The following CGGBP1 variants were observed in gnomAD, a reference collection of about 807,000 sequenced individuals.
CGGBP1 encodes the protein CGG triplet repeat binding protein 1.
Under a neutral mutation model 11.4 loss-of-function variants are expected in CGGBP1, and 4 were observed. The observed-to-expected ratio is 0.35, with a 90% confidence interval of 0.17 to 0.80. CGGBP1 has a LOEUF of 0.80. Among genes scored for constraint, CGGBP1 ranks in the 30% least tolerant of loss-of-function variants. CGGBP1 has a pLI of 0.52. For synonymous variants in CGGBP1, 76 were observed against 74.1 expected (o/e 1.03, Z -0.13); for missense variants, 135 against 202.1 (o/e 0.67, Z 2.01).
chr3:88,091,196 G>T (rs1231427290), intron 2 of CGGBP1, among the ~76,000 whole-genome samples: 6 of 152,144 alleles, frequency 3.9e-5, no homozygotes, highest in Non-Finnish European at 5.9e-5. Flanking sequence ...CTGTCGTTAA[G>T]CAACATAATG....
chr3:88,084,542 C>T (rs769094139), intron 2 of CGGBP1, among the ~76,000 whole-genome samples: 3 of 152,246 alleles, frequency 2.0e-5, no homozygotes, highest in Middle Eastern at 3.4e-3. Flanking sequence ...AAGAGCCAGA[C>T]GAGATACAAG....
At position 88,054,332 on chromosome 3, in the gene CGGBP1, G is replaced by C. The variant is rs1259984293; in HGVS notation, c.*1141C>G. The stretch of plus-strand genomic sequence containing the variant: ...CTTACAGGATAGTGAGGTTCAAACA[G>C]AGATCATTTCCTGAACATGGCTGAT... On this transcript the variant is annotated 3_prime_UTR_variant, in exon 4 of 4. Coordinates refer to ENST00000482016, the MANE Select transcript of CGGBP1 (RefSeq NM_001008390.2). 1 of 152,274 alleles carries C rather than the reference G, an allele frequency of 6.6e-6. No individual in the cohort carries two copies. Among genetic ancestry groups the C allele is most frequent in the Non-Finnish European group, 1.5e-5 (1 of 68,012 alleles). 9.4% of individuals were successfully genotyped at this position (152,274 alleles called of 1,614,324 possible).
At chr3:88,097,564 T>C (rs572980498) in intron 2 of CGGBP1, among the ~76,000 whole-genome samples, 2 of 152,216 alleles carry the variant, frequency 1.3e-5, no homozygotes, top group Admixed American at 1.3e-4. Flanking sequence ...TATTCCAAAA[T>C]TGACCACATA....
intron 2 of CGGBP1, among the ~76,000 whole-genome samples, chr3:88,121,958 G>C (rs1296636109): frequency 1.3e-5 from 2 of 152,098 alleles, no homozygotes; most frequent in Admixed American, 1.3e-4. Context: ...TATTGAGAAT[G>C]TATCTTCTCT....
At chr3:88,101,050 T>G (rs1412753640) in intron 2 of CGGBP1, among the ~76,000 whole-genome samples, 1 of 152,210 alleles carries the variant, frequency 6.6e-6, no homozygotes, top group East Asian at 1.9e-4. Context: ...GTTATCAGTA[T>G]ATTGTCAATC....
chr3:88,082,036 G>A (rs758429043), intron 2 of CGGBP1, among the ~76,000 whole-genome samples: 16 of 152,048 alleles, frequency 1.1e-4, no homozygotes, highest in Non-Finnish European at 1.3e-4. Flanking sequence ...ATTAGTCTGC[G>A]TTCAACAAAT....
chr3:88,134,742 T>C (rs775222493), intron 2 of CGGBP1, among the ~76,000 whole-genome samples: 2 of 152,120 alleles, frequency 1.3e-5, no homozygotes, highest in South Asian at 4.1e-4. Context: ...CCAAAGTTTA[T>C]TATTTTTAAG....
chr3:88,092,781 A>T (rs1399201841), intron 2 of CGGBP1, among the ~76,000 whole-genome samples: 1 of 152,168 alleles, frequency 6.6e-6, no homozygotes, highest in East Asian at 1.9e-4. Context: ...AAGTTACTAT[A>T]TTCTCTGGCA....
chr3:88,149,018 C>A (rs184292866), intron 1 of CGGBP1, among the ~76,000 whole-genome samples: 23 of 152,238 alleles, frequency 1.5e-4, no homozygotes, highest in African/African-American at 5.1e-4. Context: ...AATGGCAATA[C>A]CCCAATTAAA....
upstream of CGGBP1, among the ~76,000 whole-genome samples, chr3:88,063,857 A>T (rs902149184): frequency 2.6e-5 from 4 of 152,108 alleles, no homozygotes; most frequent in African/African-American, 9.7e-5. Context: ...GTCATGATCC[A>T]GGGTAGTTGC....
intron 1 of CGGBP1, chr3:88,149,674 C>T (rs1707373540): frequency 6.4e-6 from 1 of 156,678 alleles, no homozygotes; most frequent in East Asian, 1.9e-4. Context: ...CACGGGAGCT[C>T]GCGGTGCGCC....
intron 1 of CGGBP1, among the ~76,000 whole-genome samples, chr3:88,149,534 T>G (rs941303986): frequency 6.6e-6 from 1 of 152,278 alleles, no homozygotes; most frequent in Non-Finnish European, 1.5e-5. Context: ...TTATTTTAAT[T>G]TACTTAATTT....
chr3:88,088,753 T>TGG (rs1559701594), intron 2 of CGGBP1, among the ~76,000 whole-genome samples: 1,805 of 118,088 alleles, frequency 0.015, 30 homozygotes, highest in African/African-American at 0.047. Flanking sequence ...TTTATGTATG[T>TGG]ATGTATGTAT....
intron 1 of CGGBP1, chr3:88,144,760 G>A (rs1212701134): frequency 6.6e-6 from 1 of 152,146 alleles, no homozygotes; most frequent in Non-Finnish European, 1.5e-5. Context: ...TAAAGGAATG[G>A]CATATTTCAG....
intron 2 of CGGBP1, among the ~76,000 whole-genome samples, chr3:88,089,210 GC>G (rs1230460314): frequency 3.8e-4 from 43 of 111,710 alleles, no homozygotes; most frequent in Non-Finnish European, 6.4e-4. Flanking sequence ...AAAAAAAAAA[GC>G]CCGGGTGCGG....
At chr3:88,074,844 T>G (rs758621252) in intron 2 of CGGBP1, among the ~76,000 whole-genome samples, 87 of 152,302 alleles carry the variant, frequency 5.7e-4, no homozygotes, top group Admixed American at 1.8e-3. Flanking sequence ...ACCAAGTGAA[T>G]TTTGGTTTAA....
chr3:88,084,030 G>A (rs1708220035), intron 2 of CGGBP1, among the ~76,000 whole-genome samples: 1 of 151,596 alleles, frequency 6.6e-6, no homozygotes, highest in Non-Finnish European at 1.5e-5. Context: ...TGCCTGACAC[G>A]ACATTAAACA....
chr3:88,117,222 TCAACTC>T (rs1256457142), intron 2 of CGGBP1, among the ~76,000 whole-genome samples: 2 of 152,204 alleles, frequency 1.3e-5, no homozygotes, highest in Admixed American at 1.3e-4. Context: ...AATTTAATTT[TCAACTC>T]ATAATTACTT....
intron 2 of CGGBP1, among the ~76,000 whole-genome samples, chr3:88,137,968 C>G (rs1483437893): frequency 3.3e-5 from 5 of 151,994 alleles, no homozygotes; most frequent in Non-Finnish European, 7.4e-5. Flanking sequence ...TTAGATTATT[C>G]CAAACCACTA....
Sources: gnomAD v4.1 joint callset for allele counts (sites outside exome capture counted in the v4.1 genomes callset) on GRCh38, gnomAD v4.1.1 for gene constraint, MANE v1.5 for transcripts, NCBI Gene and HGNC (gene_info 2026-07-23, HGNC 2026-07-21) for gene names.